ANKS1B: variants seen among roughly 807,000 people sequenced by gnomAD.
The protein encoded by ANKS1B is ankyrin repeat and sterile alpha motif domain-containing protein 1B.
Under a neutral mutation model 148.3 loss-of-function variants are expected in ANKS1B, and 36 were observed. The observed-to-expected ratio is 0.24, with a 90% CI of 0.19 to 0.32. The LOEUF is 0.32. ANKS1B is among the 10% of genes least tolerant of loss of function. ANKS1B has a pLI of 1.00. For synonymous variants in ANKS1B, 542 were observed against 560.8 expected (o/e 0.97, Z 0.47); for missense variants, 1,157 against 1,542.6 (o/e 0.75, Z 4.19).
At chr12:99,753,675 T>A (rs1331871161) in intron 8 of ANKS1B, among the ~76,000 whole-genome samples, 2 of 152,032 alleles carry the variant, frequency 1.3e-5, no homozygotes, top group Non-Finnish European at 1.5e-5. Flanking sequence ...GAGTCAAATC[T>A]ACACATATCA....
intron 11 of ANKS1B, among the ~76,000 whole-genome samples, chr12:99,441,103 C>T (rs571792547): frequency 2.6e-5 from 4 of 151,890 alleles, no homozygotes; most frequent in East Asian, 1.9e-4. Flanking sequence ...ATTTTTAGAA[C>T]GGTCTTTAAT....
intron 9 of ANKS1B, among the ~76,000 whole-genome samples, chr12:99,550,094 G>A (rs1434151140): frequency 2.6e-5 from 4 of 152,068 alleles, no homozygotes; most frequent in East Asian, 1.9e-4. Flanking sequence ...TTTTACCCTC[G>A]CCTTCCCTTC....
At chr12:98,940,867 A>G (rs2099835584) in intron 17 of ANKS1B, among the ~76,000 whole-genome samples, 1 of 152,226 alleles carries the variant, frequency 6.6e-6, no homozygotes, top group Non-Finnish European at 1.5e-5. Context: ...CTCAAAAAAT[A>G]TTTACTAACA....
chr12:99,632,740 T>TAGAAAGAA (rs2098177318), intron 9 of ANKS1B, among the ~76,000 whole-genome samples: 5 of 57,694 alleles, frequency 8.7e-5, no homozygotes, highest in Non-Finnish European at 1.7e-4. Context: ...TATATATATA[T>TAGAAAGAA]ATATATATAT....
At chr12:99,516,510 G>A (rs1017052146) in intron 9 of ANKS1B, among the ~76,000 whole-genome samples, 1 of 152,162 alleles carries the variant, frequency 6.6e-6, no homozygotes, top group Admixed American at 6.5e-5. Flanking sequence ...AACACCTCAT[G>A]TTGTCACTCA....
intron 12 of ANKS1B, among the ~76,000 whole-genome samples, chr12:99,374,070 T>C (rs2093277272): frequency 1.3e-5 from 2 of 152,210 alleles, no homozygotes; most frequent in African/African-American, 4.8e-5. Flanking sequence ...GTAACCCTGA[T>C]CTAGCTTAGG....
intron 8 of ANKS1B, among the ~76,000 whole-genome samples, chr12:99,766,393 A>G (rs932213068): frequency 6.6e-6 from 1 of 152,162 alleles, no homozygotes; most frequent in African/African-American, 2.4e-5. Context: ...CTTTTATTCT[A>G]CTAGCCATTT....
chr12:98,904,053 G>T (rs929686127), intron 17 of ANKS1B, among the ~76,000 whole-genome samples: 3 of 151,368 alleles, frequency 2.0e-5, no homozygotes, highest in African/African-American at 7.3e-5. Context: ...TTAAAAATTT[G>T]AAAATTTTAT....
chr12:99,796,573 A>T (rs2066281162), intron 4 of ANKS1B, among the ~76,000 whole-genome samples: 1 of 151,964 alleles, frequency 6.6e-6, no homozygotes, highest in Admixed American at 6.6e-5. Flanking sequence ...GAAACATATT[A>T]AAAACCTAAC....
At chr12:99,498,922 T>C (rs186783585) in intron 10 of ANKS1B, among the ~76,000 whole-genome samples, 4 of 152,272 alleles carry the variant, frequency 2.6e-5, no homozygotes, top group Non-Finnish European at 2.9e-5. Flanking sequence ...AAGGGGGAAA[T>C]GCATAGCTAG....
downstream of ANKS1B, among the ~76,000 whole-genome samples, chr12:98,740,523 CA>C (rs2097793156): frequency 6.6e-6 from 1 of 152,226 alleles, no homozygotes; most frequent in African/African-American, 2.4e-5. Context: ...ATTTATAGAG[CA>C]GCTCTGTCAG....
rs568393638 is a variant in ANKS1B at position 99,585,244 on chromosome 12, C to T, written c.1272+69823G>A. ...GAAATTGGCCAAAATGAAGGGACTA[C>T]GGGCCCCAGGCAAGTCCAAAATCCA... On this transcript the variant is annotated intron_variant, in intron 9 of 26. Transcript: ENST00000683438. Among the ~76,000 whole-genome samples, 5 of 152,166 alleles carry T rather than the reference C, an allele frequency of 3.3e-5. No homozygotes were observed. The South Asian group carries it at 6.2e-4, about 19-fold the overall frequency.
intron 12 of ANKS1B, among the ~76,000 whole-genome samples, chr12:99,342,567 T>C (rs1340017788): frequency 6.6e-6 from 1 of 152,076 alleles, no homozygotes; most frequent in African/African-American, 2.4e-5. Flanking sequence ...CTGCTTCCAC[T>C]GAGATTCCAT....
chr12:99,074,985 T>A (rs1479716101), intron 16 of ANKS1B, among the ~76,000 whole-genome samples: 1 of 152,148 alleles, frequency 6.6e-6, no homozygotes, highest in African/African-American at 2.4e-5. Flanking sequence ...GGTTAAATCA[T>A]CTATCCCAGA....
At chr12:99,959,689 G>A (rs1053125441) in intron 1 of ANKS1B, among the ~76,000 whole-genome samples, 10 of 152,110 alleles carry the variant, frequency 6.6e-5, no homozygotes, top group South Asian at 2.1e-4. Context: ...CATAACGCTT[G>A]CTTCATCTTC....
At chr12:99,668,785 T>G (rs2098522346) in intron 8 of ANKS1B, among the ~76,000 whole-genome samples, 1 of 152,132 alleles carries the variant, frequency 6.6e-6, no homozygotes, top group African/African-American at 2.4e-5. Context: ...TACACATATG[T>G]TTCATTGCAT....
intron 1 of ANKS1B, among the ~76,000 whole-genome samples, chr12:99,868,212 TG>T (rs1329222928): frequency 6.6e-6 from 1 of 152,050 alleles, no homozygotes; most frequent in Non-Finnish European, 1.5e-5. Flanking sequence ...GAGTAGTAAA[TG>T]GAATGAGTAA....
chr12:99,580,969 C>A (rs914453263), intron 9 of ANKS1B, among the ~76,000 whole-genome samples: 3 of 152,116 alleles, frequency 2.0e-5, no homozygotes, highest in Non-Finnish European at 4.4e-5. Context: ...GATGCCAATT[C>A]TTTCCAAATT....
intron 8 of ANKS1B, among the ~76,000 whole-genome samples, chr12:99,740,878 A>C (rs1472881372): frequency 6.6e-6 from 1 of 151,910 alleles, no homozygotes; most frequent in Non-Finnish European, 1.5e-5. Flanking sequence ...CAGATACTAC[A>C]CTTTTCCCAC....
Sources: gnomAD v4.1 joint callset for allele counts (sites outside exome capture counted in the v4.1 genomes callset) on GRCh38, gnomAD v4.1.1 for gene constraint, MANE v1.5 for transcripts, NCBI Gene and HGNC (gene_info 2026-07-23, HGNC 2026-07-21) for gene names.